The following IL18R1 variants were observed in gnomAD, a reference collection of about 807,000 sequenced individuals.
IL18R1 encodes interleukin 18 receptor 1.
A neutral mutation model predicts 48.5 loss-of-function variants in IL18R1; 40 were observed. The observed-to-expected ratio is 0.82, with a 90% CI of 0.64 to 1.07. The LOEUF (loss-of-function observed/expected upper bound fraction) is 1.07, where lower values mean the gene tolerates loss of function less well. Ranked by LOEUF, IL18R1 falls within the 50% of genes least tolerant of loss-of-function variation. The pLI, the probability that IL18R1 is intolerant of heterozygous loss-of-function variation, is 0.00. For missense variants in IL18R1, 596 were observed against 633.7 expected, an observed-to-expected ratio of 0.94 and a Z score of 0.64; for synonymous variants, 232 against 225.9, an observed-to-expected ratio of 1.03 and a Z score of -0.24.
chr2:102,366,129 C>T (rs928795951), intron 2 of IL18R1, among the ~76,000 whole-genome samples: 2 of 152,146 alleles, frequency 1.3e-5, no homozygotes, highest in Non-Finnish European at 2.9e-5. Flanking sequence ...CCCATTCCCA[C>T]GAACATGGAT....
At chr2:102,379,972 C>A (rs532430241) in intron 5 of IL18R1, among the ~76,000 whole-genome samples, 1 of 152,270 alleles carries the variant, frequency 6.6e-6, no homozygotes, top group East Asian at 1.9e-4. Context: ...AAACACCATA[C>A]TTTGGGACTG....
intron 9 of IL18R1, 112 bp from the exon 10 acceptor site, chr2:102,394,357 T>TAA (rs1680708857): frequency 1.3e-6 from 1 of 762,822 alleles, no homozygotes; most frequent in East Asian, 2.9e-5. Flanking sequence ...ACTTTATATA[T>TAA]AATTTGTTTT....
intron 6 of IL18R1, 138 bp downstream of exon 6, chr2:102,381,820 A>C: frequency 1.6e-6 from 1 of 643,182 alleles, no homozygotes; most frequent in Non-Finnish European, 2.7e-6. Flanking sequence ...AAACTAAGAA[A>C]AGAGTGCCAT....
chr2:102,373,021 A>AT (rs895845805), intron 4 of IL18R1, among the ~76,000 whole-genome samples: 68 of 152,196 alleles, frequency 4.5e-4, no homozygotes, highest in African/African-American at 1.5e-3. Context: ...AAGAATCCCA[A>AT]TTTTTTGTCA....
chr2:102,365,311 C>T (rs1010686733), intron 2 of IL18R1, among the ~76,000 whole-genome samples: 2 of 152,184 alleles, frequency 1.3e-5, no homozygotes, highest in Non-Finnish European at 2.9e-5. Context: ...AAAGGGGCTA[C>T]TGGCCCCATG....
chr2:102,369,451 AG>A (rs1468410523), intron 3 of IL18R1, among the ~76,000 whole-genome samples: 1 of 152,216 alleles, frequency 6.6e-6, no homozygotes, highest in Admixed American at 6.5e-5. Flanking sequence ...GGTAGCAGAT[AG>A]GAGATGCTAA....
intron 10 of IL18R1, among the ~76,000 whole-genome samples, chr2:102,394,922 C>T (rs1217715190): frequency 1.3e-5 from 2 of 152,078 alleles, no homozygotes; most frequent in Non-Finnish European, 2.9e-5. Flanking sequence ...ATCATGAAGC[C>T]TTTATTTAGA....
chr2:102,358,280 A>G (rs1186364370), intron 1 of IL18R1, among the ~76,000 whole-genome samples: 1 of 152,178 alleles, frequency 6.6e-6, no homozygotes, highest in Non-Finnish European at 1.5e-5. Context: ...ACCCATAAAC[A>G]AGGGCAACTG....
chr2:102,392,755 T>A (rs1292493950), intron 9 of IL18R1, among the ~76,000 whole-genome samples: 2 of 152,212 alleles, frequency 1.3e-5, no homozygotes, highest in Non-Finnish European at 2.9e-5. Flanking sequence ...AACATTTGTT[T>A]AACTTACTCC....
chr2:102,394,630 A>C lies in IL18R1; in HGVS notation c.1270+3A>C. 6.3e-7 allele frequency: 1 copy of C among 1,593,480 alleles called. No homozygotes were observed. The highest frequency in any genetic ancestry group is 1.1e-5 in the South Asian group (1 of 88,886). ...AAGGGATGTAGTGCCTGGAGGAGGT[A>C]AGAGGGAATGCCAGATAGAAAAATA... On this transcript the variant is annotated splice_donor_region_variant and intron_variant, in intron 10 of 10. Coordinates refer to ENST00000233957, the MANE Select transcript of IL18R1 (RefSeq NM_003855.5).
In IL18R1 at chr2:102,362,654, C is replaced by A; in HGVS notation, c.-7C>A. 6.2e-7 allele frequency: 1 copy of A among 1,600,566 alleles called. No homozygotes were observed. Among genetic ancestry groups the A allele is most frequent in the South Asian group, 1.1e-5 (1 of 87,852 alleles). ...CCAGAGAAGCCATTTGAAGCAGAAT[C>A]CAAACCATGAATTGTAGAGAATTAC... On this transcript the variant is annotated 5_prime_UTR_variant, in exon 2 of 11. Transcript: ENST00000233957.
chr2:102,382,081 T>C (rs922134358), intron 6 of IL18R1, among the ~76,000 whole-genome samples: 4 of 152,134 alleles, frequency 2.6e-5, no homozygotes, highest in African/African-American at 9.7e-5. Context: ...GAGACCAACC[T>C]GACCAGCACG....
At chr2:102,383,653 AT>A (rs545015149) in intron 6 of IL18R1, among the ~76,000 whole-genome samples, 7 of 150,438 alleles carry the variant, frequency 4.7e-5, no homozygotes, top group African/African-American at 1.2e-4. Flanking sequence ...TACTACTAAC[AT>A]TTTTTTTTGT....
intron 5 of IL18R1, among the ~76,000 whole-genome samples, chr2:102,376,890 T>C (rs890883212): frequency 6.6e-6 from 1 of 152,280 alleles, no homozygotes; most frequent in Admixed American, 6.5e-5. Context: ...TATCTGATTG[T>C]TGAAGTCTTT....
chr2:102,357,705 C>T (rs1468426757), intron 1 of IL18R1, among the ~76,000 whole-genome samples: 4 of 152,032 alleles, frequency 2.6e-5, no homozygotes, highest in African/African-American at 9.7e-5. Flanking sequence ...GACCTGGCAT[C>T]TGGGATAAGT....
intron 4 of IL18R1, among the ~76,000 whole-genome samples, chr2:102,375,319 G>A (rs1471418542): frequency 6.6e-6 from 1 of 152,196 alleles, no homozygotes; most frequent in Non-Finnish European, 1.5e-5. Flanking sequence ...GTATGGAAAT[G>A]TGTGTGAGAG....
chr2:102,358,996 T>A (rs969157066), intron 1 of IL18R1, among the ~76,000 whole-genome samples: 34 of 151,332 alleles, frequency 2.2e-4, no homozygotes, highest in African/African-American at 7.5e-4. Flanking sequence ...CATGGGAGGG[T>A]AGAGGAACAT....
At chr2:102,381,727 A>G (rs760682872) in intron 6 of IL18R1, 45 bp downstream of exon 6, 3 of 1,252,056 alleles carry the variant, frequency 2.4e-6, no homozygotes, top group African/African-American at 1.5e-5. Context: ...AGTAGGGGAC[A>G]TAATAGAGCC....
At chr2:102,395,254 T>A (rs974229571) in intron 10 of IL18R1, among the ~76,000 whole-genome samples, 1 of 152,140 alleles carries the variant, frequency 6.6e-6, no homozygotes, top group East Asian at 1.9e-4. Context: ...AAATTTTTCT[T>A]TTTAATGAGT....
Sources: allele counts gnomAD v4.1 joint callset (sites outside exome capture counted in the v4.1 genomes callset), GRCh38; gene constraint gnomAD v4.1.1; transcripts MANE v1.5; gene names NCBI Gene and HGNC (gene_info 2026-07-23, HGNC 2026-07-21).